The following AGAP3 variants were observed in gnomAD, a reference collection of about 807,000 sequenced individuals.
The protein encoded by AGAP3 is ArfGAP with GTPase domain, ankyrin repeat and PH domain 3, also known as arf-GAP with GTPase, ANK repeat and PH domain-containing protein 3.
Under a neutral mutation model 96.9 loss-of-function variants are expected in AGAP3, and 24 were observed. The observed-to-expected ratio is 0.25, with a 90% CI of 0.18 to 0.35. The LOEUF is 0.35. AGAP3 is among the 10% of genes least tolerant of loss of function. The pLI is 1.00. For synonymous variants in AGAP3, 563 were observed against 536.1 expected (o/e 1.05, Z -0.69); for missense variants, 876 against 1,254.2 (o/e 0.70, Z 4.55).
rs755195971 is a variant in AGAP3 at position 151,133,633 on chromosome 7, G to A, written c.1327-767G>A. The stretch of plus-strand genomic sequence containing the variant: ...AATCTGACTCTGCTACCATTTAATC[G>A]TGTGTTCCTGGGCAGATAAGCCTTT... On this transcript the variant is annotated intron_variant, in intron 10 of 17. Transcript: ENST00000397238. The surrounding 1 kb of genome is among the most constrained non-coding windows in gnomAD (Gnocchi z 5.4). Among the ~76,000 whole-genome samples, 1 of 152,170 alleles carries A rather than the reference G, an allele frequency of 6.6e-6. No homozygotes were observed. Among genetic ancestry groups the A allele is most frequent in the African/African-American group, 2.4e-5 (1 of 41,434 alleles).
Position 151,143,294 on chromosome 7 carries a change from C to G in AGAP3, c.2274-47C>G. 1 of 1,558,932 alleles carries G rather than the reference C, an allele frequency of 6.4e-7. No homozygotes were observed. The highest frequency in any genetic ancestry group is 1.2e-5 in the South Asian group (1 of 82,458). ...CCCACCTTCCTGGCCCCACCCGTTG[C>G]TCGGTGACCTTCCTTGGCTCATGCC... On this transcript the variant is annotated intron_variant, in intron 16 of 17. Coordinates refer to ENST00000397238, the MANE Select transcript of AGAP3 (RefSeq NM_031946.7). The surrounding 1 kb of genome is among the most constrained non-coding windows in gnomAD (Gnocchi z 5.9).
intron 11 of AGAP3, chr7:151,137,782 G>A (rs904017421): frequency 4.0e-5 from 12 of 301,220 alleles, no homozygotes; most frequent in Non-Finnish European, 6.1e-5. Context: ...TAGAATGGAG[G>A]GTGCAGGGGC....
chr7:151,132,869 T>G (rs1407875418), intron 10 of AGAP3, among the ~76,000 whole-genome samples: 1 of 152,186 alleles, frequency 6.6e-6, no homozygotes, highest in Non-Finnish European at 1.5e-5. Context: ...TTCCTGCCCT[T>G]CCACTGCTTC....
Position 151,139,705 on chromosome 7 carries a change from C to G in AGAP3, c.1667-274C>G. ...GAGTTCCCTGGGCTGCCTTCCACCC[C>G]TCCAGGCTGCAGAGGCAGCTTCCTC... On this transcript the variant is annotated intron_variant, in intron 12 of 17. Coordinates refer to ENST00000397238, the MANE Select transcript of AGAP3 (RefSeq NM_031946.7). This position sits in a 1 kb window ranked among gnomAD's most constrained non-coding sequence, Gnocchi z 4.9. The G allele has an allele frequency of 3.3e-6, 1 of 300,874 alleles. No homozygotes were observed. Among genetic ancestry groups the G allele is most frequent in the Non-Finnish European group, 6.1e-6 (1 of 164,004 alleles). The allele number at this position is 300,874 out of a possible 1,614,324, so 18.6% of individuals were successfully genotyped here.
chr7:151,097,232 TAAAGA>T (rs1455846671), intron 1 of AGAP3, among the ~76,000 whole-genome samples: 1 of 152,068 alleles, frequency 6.6e-6, no homozygotes, highest in East Asian at 1.9e-4. Context: ...GGATAATTTG[TAAAGA>T]AAAGAAGTTT....
intron 11 of AGAP3, chr7:151,136,692 CT>C: frequency 6.6e-6 from 1 of 152,098 alleles, no homozygotes; most frequent in Non-Finnish European, 1.5e-5. Flanking sequence ...AGCACTTTCC[CT>C]CCCTCAGGAT....
Position 151,143,216 on chromosome 7 carries a change from A to T in AGAP3, c.2274-125A>T. ...CTCTCCTTCCTTTTTGCTCCATCTCATCTTCTCTCACTGTTTCTTCCTTGT... is the reference window on the plus strand; with the variant it reads ...CTCTCCTTCCTTTTTGCTCCATCTCTTCTTCTCTCACTGTTTCTTCCTTGT... On this transcript the variant is annotated intron_variant, in intron 16 of 17. Transcript: ENST00000397238. This position sits in a 1 kb window ranked among gnomAD's most constrained non-coding sequence, Gnocchi z 5.9. 1 of 1,219,762 alleles carries T rather than the reference A, an allele frequency of 8.2e-7. No individual in the cohort carries two copies. Among genetic ancestry groups the T allele is most frequent in the Non-Finnish European group, 1.1e-6 (1 of 886,192 alleles). 75.6% of individuals were successfully genotyped at this position (1,219,762 alleles called of 1,614,324 possible). A position where few individuals can be genotyped will look rare whatever the true frequency, so the allele number is the denominator to read the frequency against.
rs188895716 is a variant in AGAP3, at chr7:151,133,461, C to T, written c.1327-939C>T. ...CTCCCTGCACTCGGCCGTGGTGCTC[C>T]CTAAATGATGGGGGGAGTCCAAGCA... is the stretch of plus-strand genomic sequence containing the variant. On this transcript the variant is annotated intron_variant, in intron 10 of 17. Transcript: ENST00000397238. The surrounding 1 kb of genome is among the most constrained non-coding windows in gnomAD (Gnocchi z 5.4). 6.6e-5 allele frequency among the ~76,000 whole-genome samples: 10 copies of T among 152,104 alleles called. No individual in the cohort carries two copies. The East Asian group carries it at 1.9e-3, about 30-fold the overall frequency.
chr7:151,111,745 G>A (rs929755864), intron 1 of AGAP3, among the ~76,000 whole-genome samples: 4 of 152,174 alleles, frequency 2.6e-5, no homozygotes, highest in African/African-American at 4.8e-5. Flanking sequence ...GGCTGTGTTC[G>A]TCCTGCCCCA....
intron 1 of AGAP3, among the ~76,000 whole-genome samples, chr7:151,101,079 G>A (rs1028181178): frequency 1.3e-5 from 2 of 152,194 alleles, no homozygotes; most frequent in African/African-American, 4.8e-5. Context: ...CCTGGCGTCC[G>A]CATCACTCAC....
At position 151,118,431 on chromosome 7, in the gene AGAP3, G is replaced by T; in HGVS notation, c.842-74G>T. 1 of 1,600,358 alleles carries T rather than the reference G, an allele frequency of 6.2e-7. No homozygotes were observed. The highest frequency in any genetic ancestry group is 8.6e-7 in the Non-Finnish European group (1 of 1,169,454). On this transcript the variant is annotated intron_variant, in intron 6 of 17. Coordinates refer to ENST00000397238, the MANE Select transcript of AGAP3 (RefSeq NM_031946.7). This position sits in a 1 kb window ranked among gnomAD's most constrained non-coding sequence, Gnocchi z 6.1. ...GCTCCCAGTGAGAGCAAGGCTGTGT[G>T]TCTGGGGGGAGGTGCTAAGCCAGGC... is the stretch of plus-strand genomic sequence containing the variant.
chr7:151,116,271 C>G (rs57988951), intron 1 of AGAP3: 57,737 of 153,772 alleles, frequency 0.38, 12,060 homozygotes, highest in African/African-American at 0.57. Context: ...CCACCTGCCC[C>G]TGGCAGAACA....
intron 12 of AGAP3, among the ~76,000 whole-genome samples, chr7:151,138,876 G>GA (rs1388425533): frequency 2.6e-5 from 4 of 152,276 alleles, no homozygotes; most frequent in African/African-American, 9.6e-5. Flanking sequence ...GTCCCCCTCA[G>GA]ATAGGCCTCC....
chr7:151,133,807 C>T lies in AGAP3; in HGVS notation c.1327-593C>T, dbSNP rs748585953. Among the ~76,000 whole-genome samples, 4 of 152,200 alleles carry T rather than the reference C, an allele frequency of 2.6e-5. No individual in the cohort carries two copies. Among genetic ancestry groups the T allele is most frequent in the Admixed American group, 6.5e-5 (1 of 15,282 alleles). ...CAGGCAGATGACATGACGGCGATGA[C>T]GATGACTGCCGCCAGGGAATTGGTG... On this transcript the variant is annotated intron_variant, in intron 10 of 17. Coordinates refer to ENST00000397238, the MANE Select transcript of AGAP3 (RefSeq NM_031946.7). The surrounding 1 kb of genome is among the most constrained non-coding windows in gnomAD (Gnocchi z 5.4).
Position 151,117,756 on chromosome 7 carries a change from A to G in AGAP3, c.685A>G (p.Met229Val), listed in dbSNP as rs374474813. The G allele has an allele frequency of 9.9e-6, 16 of 1,613,972 alleles. No homozygotes were observed. The highest frequency in any genetic ancestry group is 1.7e-5 in the Admixed American group (1 of 60,000). Residue 229 changes from methionine (M) to valine (V), a missense_variant, in exon 5 of 18, where the codon ATG (methionine) becomes GTG (valine). Physicochemically the swap from Met to Val is conservative, Grantham distance 21. This residue lies in a region of AGAP3 where 131 missense variants were observed against 304.5 expected (regional missense o/e 0.43). Transcript: ENST00000397238. ...CTTCCGCAACGCCAGCGAGGTGCCC[A>G]TGGTGCTTGTGGGCACGCAGGGTGA... ...CSFRNASEVP[M>V]VLVGTQDAIS...
chr7:151,123,342 C>A, intron 8 of AGAP3: 2 of 1,039,388 alleles, frequency 1.9e-6, no homozygotes, highest in Non-Finnish European at 2.3e-6. Context: ...ATCCACTGTG[C>A]CCCTTGGGCC....
At chr7:151,095,013 TCAGG>T (rs1418245012) in intron 1 of AGAP3, among the ~76,000 whole-genome samples, 2 of 152,084 alleles carry the variant, frequency 1.3e-5, no homozygotes, top group African/African-American at 4.8e-5. Context: ...TAGCTGGGAC[TCAGG>T]CATGTGTCAC....
At chr7:151,123,124 G>A in intron 8 of AGAP3, 2 of 1,113,288 alleles carry the variant, frequency 1.8e-6, no homozygotes, top group Non-Finnish European at 2.2e-6. Flanking sequence ...CCTGGGGGGC[G>A]CTTTCCTGCC....
At position 151,141,936 on chromosome 7, in the gene AGAP3, A is replaced by G. The variant is rs1177250271; in HGVS notation, c.1843A>G (p.Thr615Ala). The change falls in exon 14 of 18, where the codon ACT becomes GCT. Residue 615 changes from threonine (T) to alanine (A), a missense_variant. By Grantham distance (58) the Thr-to-Ala change is moderately conservative. Coordinates refer to ENST00000397238, the MANE Select transcript of AGAP3 (RefSeq NM_031946.7). This position sits in a 1 kb window ranked among gnomAD's most constrained non-coding sequence, Gnocchi z 4.2. ...GTTTGAATTTGTGGTGGTGTCCCTC[A>G]CTGGGCAGACGTGGCACTTCGAGGC... ...ESFEFVVVSL[T>A]GQTWHFEAST... 6.2e-7 allele frequency: 1 copy of G among 1,613,700 alleles called. No homozygotes were observed. Among genetic ancestry groups the G allele is most frequent in the Non-Finnish European group, 8.5e-7 (1 of 1,179,852 alleles).
Sources: gnomAD v4.1 joint callset for allele counts (sites outside exome capture counted in the v4.1 genomes callset) on GRCh38, gnomAD v4.1.1 for gene constraint, gnomAD v4.1.1 regional missense constraint, Gnocchi (gnomAD v3.1) non-coding constraint, MANE v1.5 for transcripts, NCBI Gene and HGNC (gene_info 2026-07-23, HGNC 2026-07-21) for gene names.